The following ASTN2 variants were observed in gnomAD, a reference collection of about 807,000 sequenced individuals.
The protein encoded by ASTN2 is astrotactin-2.
A neutral mutation model predicts 139.8 loss-of-function variants in ASTN2; 54 were observed. That is an observed-to-expected ratio of 0.39 (90% confidence interval 0.31 to 0.48). ASTN2 has a LOEUF of 0.48. Among genes scored for constraint, ASTN2 ranks in the 20% least tolerant of loss-of-function variants. The pLI, the probability that ASTN2 is intolerant of heterozygous loss-of-function variation, is 0.95. For missense variants in ASTN2, 1,565 were observed against 1,725.1 expected, an observed-to-expected ratio of 0.91 and a Z score of 1.64; for synonymous variants, 756 against 719.5, an observed-to-expected ratio of 1.05 and a Z score of -0.81.
intron 19 of ASTN2, among the ~76,000 whole-genome samples, chr9:116,575,966 TG>T (rs1034736962): frequency 2.8e-4 from 43 of 152,180 alleles, no homozygotes; most frequent in Middle Eastern, 6.8e-3. Context: ...AGCTCATGAG[TG>T]GCCCTTTGTC....
intron 10 of ASTN2, among the ~76,000 whole-genome samples, chr9:116,944,681 CAAAA>C (rs34943919): frequency 1.9e-5 from 1 of 53,360 alleles, no homozygotes; most frequent in Non-Finnish European, 3.6e-5. Context: ...GACTCTGTCT[CAAAA>C]AAAAAAAAAA....
intron 10 of ASTN2, among the ~76,000 whole-genome samples, chr9:116,877,526 A>G (rs898093067): frequency 1.3e-5 from 2 of 152,228 alleles, no homozygotes; most frequent in African/African-American, 4.8e-5. Context: ...ACAAACTGTG[A>G]TAGATGCTTT....
intron 10 of ASTN2, among the ~76,000 whole-genome samples, chr9:116,899,017 C>A (rs1291914527): frequency 6.6e-6 from 1 of 152,058 alleles, no homozygotes; most frequent in Non-Finnish European, 1.5e-5. Context: ...CCTGCCTAAC[C>A]CCCATGGAAT....
At chr9:116,648,220 T>G (rs1489552960) in intron 17 of ASTN2, among the ~76,000 whole-genome samples, 2 of 152,088 alleles carry the variant, frequency 1.3e-5, no homozygotes, top group Non-Finnish European at 2.9e-5. Flanking sequence ...CAAGCTGGTC[T>G]TGAACTCCTG....
intron 13 of ASTN2, among the ~76,000 whole-genome samples, chr9:116,791,037 AAGAAAGAAAAG>A (rs1344974659): frequency 1.4e-4 from 13 of 91,034 alleles, no homozygotes; most frequent in African/African-American, 4.3e-4. Flanking sequence ...GAAAGAAAGA[AAGAAAGAAAAG>A]AAAAGAAAGA....
At chr9:117,364,194 C>T (rs1347182665) in intron 1 of ASTN2, among the ~76,000 whole-genome samples, 1 of 152,106 alleles carries the variant, frequency 6.6e-6, no homozygotes, top group African/African-American at 2.4e-5. Flanking sequence ...TTCATGTAGT[C>T]CAGCTTCCCC....
intron 22 of ASTN2, among the ~76,000 whole-genome samples, chr9:116,438,252 C>G (rs775437723): frequency 3.9e-4 from 60 of 152,216 alleles, no homozygotes; most frequent in Non-Finnish European, 7.5e-4. Context: ...TACCTTGACA[C>G]CTATACTCAA....
chr9:116,849,555 G>T (rs888023034), intron 11 of ASTN2, among the ~76,000 whole-genome samples: 4 of 152,166 alleles, frequency 2.6e-5, no homozygotes, highest in Non-Finnish European at 5.9e-5. Flanking sequence ...GGGAGATTAA[G>T]ACTTAAAGAG....
chr9:116,894,273 T>C (rs1833832658), intron 10 of ASTN2, among the ~76,000 whole-genome samples: 1 of 152,258 alleles, frequency 6.6e-6, no homozygotes, highest in African/African-American at 2.4e-5. Flanking sequence ...GGGTGGATGG[T>C]AATTGATATT....
At chr9:116,728,746 T>C (rs1216460115) in intron 15 of ASTN2, among the ~76,000 whole-genome samples, 1 of 152,086 alleles carries the variant, frequency 6.6e-6, no homozygotes, top group Non-Finnish European at 1.5e-5. Flanking sequence ...CCAGGAAGCC[T>C]CTCTAGCTCC....
intron 4 of ASTN2, among the ~76,000 whole-genome samples, chr9:117,100,729 A>G (rs1215769286): frequency 6.6e-6 from 1 of 152,234 alleles, no homozygotes; most frequent in Non-Finnish European, 1.5e-5. Flanking sequence ...TAAAATGTTC[A>G]ATCTTAAAAA....
At chr9:116,812,898 A>T (rs1436136374) in intron 12 of ASTN2, among the ~76,000 whole-genome samples, 4 of 152,088 alleles carry the variant, frequency 2.6e-5, no homozygotes, top group Admixed American at 2.6e-4. Flanking sequence ...GGGGGAAAAA[A>T]ATTCCCATCC....
chr9:116,477,822 A>G (rs1191703923), intron 20 of ASTN2, among the ~76,000 whole-genome samples: 1 of 144,994 alleles, frequency 6.9e-6, no homozygotes, highest in East Asian at 2.1e-4. Flanking sequence ...GAAGTTCAAG[A>G]CCAGCCTGGG....
chr9:117,338,444 C>T (rs1828959788), intron 1 of ASTN2, among the ~76,000 whole-genome samples: 1 of 152,216 alleles, frequency 6.6e-6, no homozygotes, highest in African/African-American at 2.4e-5. Flanking sequence ...ATTCAGCCCT[C>T]CTCCCATCTT....
intron 5 of ASTN2, among the ~76,000 whole-genome samples, chr9:117,074,999 A>T (rs1828241067): frequency 6.6e-6 from 1 of 152,196 alleles, no homozygotes; most frequent in South Asian, 2.1e-4. Flanking sequence ...ACTACACCTC[A>T]CCCACTGTCA....
intron 2 of ASTN2, among the ~76,000 whole-genome samples, chr9:117,275,249 A>G (rs1263036078): frequency 6.6e-6 from 1 of 152,060 alleles, no homozygotes; most frequent in East Asian, 1.9e-4. Flanking sequence ...TGCGGCCTCT[A>G]CCCATTACTT....
chr9:116,641,802 T>G (rs1178667877), intron 17 of ASTN2, among the ~76,000 whole-genome samples: 4 of 152,118 alleles, frequency 2.6e-5, no homozygotes, highest in Non-Finnish European at 1.5e-5. Flanking sequence ...CTTTTGTAAT[T>G]GACCATGAGT....
intron 22 of ASTN2, among the ~76,000 whole-genome samples, chr9:116,432,856 G>A (rs923609565): frequency 1.3e-5 from 2 of 152,098 alleles, no homozygotes; most frequent in African/African-American, 4.8e-5. Context: ...CTTGAACCTG[G>A]GAGGCAGTGG....
chr9:116,817,912 A>T (rs1326805), intron 12 of ASTN2, among the ~76,000 whole-genome samples: 13,238 of 152,222 alleles, frequency 0.087, 653 homozygotes, highest in East Asian at 0.2. Context: ...AGATCACATG[A>T]CTAGATGTGG....
Sources: gnomAD v4.1 joint callset for allele counts (sites outside exome capture counted in the v4.1 genomes callset) on GRCh38, gnomAD v4.1.1 for gene constraint, MANE v1.5 for transcripts, NCBI Gene and HGNC (gene_info 2026-07-23, HGNC 2026-07-21) for gene names.